The following NHS variants were observed in gnomAD, a reference collection of about 807,000 sequenced individuals.
The protein encoded by NHS is actin remodeling regulator NHS.
A neutral mutation model predicts 72.5 loss-of-function variants in NHS; 5 were observed. The ratio of observed to expected loss-of-function variants is 0.07; its 90% CI spans 0.04 to 0.14. NHS has a LOEUF of 0.14. Ranked by LOEUF, NHS falls within the 10% of genes least tolerant of loss-of-function variation. NHS has a pLI of 1.00. For missense variants in NHS, 1,072 were observed against 1,355.7 expected (o/e 0.79, Z 3.29); for synonymous variants, 464 against 547.7 (o/e 0.85, Z 2.13).
chrX:17,646,430 A>ATTCTCCATACCTGGTCAT (rs774280994), intron 1 of NHS, among the ~76,000 whole-genome samples: 1 of 111,592 alleles, frequency 9.0e-6, no homozygotes. Context: ...GGGGCCATTG[A>ATTCTCCATACCTGGTCAT]TTCTCCATAC....
intron 1 of NHS, among the ~76,000 whole-genome samples, chrX:17,554,332 G>T (rs1042588514): frequency 1.8e-5 from 2 of 112,140 alleles, no homozygotes; most frequent in South Asian, 7.5e-4. Context: ...ACTAAGTTTC[G>T]TCAGTGCCTT....
At chrX:17,664,725 T>C (rs908435318) in intron 1 of NHS, among the ~76,000 whole-genome samples, 1 of 112,251 alleles carries the variant, frequency 8.9e-6, no homozygotes, top group Non-Finnish European at 1.9e-5. Context: ...AATCAGCTTG[T>C]CAATTTCTTC....
intron 1 of NHS, among the ~76,000 whole-genome samples, chrX:17,559,937 G>A (rs182885457): frequency 1.9e-3 from 212 of 111,316 alleles, no homozygotes; most frequent in African/African-American, 6.7e-3. Flanking sequence ...GCCCTATCAG[G>A]GTTCCCTGCA....
chrX:17,457,420 AAG>A lies in NHS; in HGVS notation c.565+81103_565+81104del, dbSNP rs761405631. ...GGCATCACATATCAAGAGAGGAAGAAAGAGAGGGGGTGGAGGGAGGGGCCAGG... is the reference window on the plus strand; with the variant it reads ...GGCATCACATATCAAGAGAGGAAGAAAGAGGGGGTGGAGGGAGGGGCCAGG... On this transcript the variant is annotated intron_variant, in intron 1 of 8. Coordinates refer to ENST00000676302, the MANE Select transcript of NHS (RefSeq NM_001291867.2). Among the ~76,000 whole-genome samples, 195 of 111,038 alleles carry A rather than the reference AAG, an allele frequency of 1.8e-3. 1 individual carries two copies. The Middle Eastern group carries it at 0.032, about 18-fold the overall frequency.
At chrX:17,655,305 GT>G (rs1336359458) in intron 1 of NHS, among the ~76,000 whole-genome samples, 2 of 112,206 alleles carry the variant, frequency 1.8e-5, no homozygotes, top group African/African-American at 6.5e-5. Context: ...GGTCCAGCCT[GT>G]TGGTGATGTG....
chrX:17,716,383 G>A (rs2066364248), intron 3 of NHS, among the ~76,000 whole-genome samples: 1 of 112,170 alleles, frequency 8.9e-6, no homozygotes. Flanking sequence ...ATACTTTCAT[G>A]AGACACCAAA....
At chrX:17,652,605 G>A (rs1001071610) in intron 1 of NHS, among the ~76,000 whole-genome samples, 1 of 111,494 alleles carries the variant, frequency 9.0e-6, no homozygotes, top group Non-Finnish European at 1.9e-5. Flanking sequence ...GATAAGGAGA[G>A]TCTGGTTAAT....
chrX:17,727,422 C>T lies in NHS; in HGVS notation c.3316C>T (p.His1106Tyr), dbSNP rs2066454449. 16 of 1,211,655 alleles carry T rather than the reference C, an allele frequency of 1.3e-5. No homozygotes were observed. The highest frequency in any genetic ancestry group is 1.8e-5 in the Non-Finnish European group (16 of 895,368). Residue 1106 changes from histidine to tyrosine, a missense_variant, in exon 7 of 9, where the codon CAT becomes TAT. By Grantham distance (83) the His-to-Tyr change is moderately conservative. Transcript: ENST00000676302. Reference protein sequence around the residue: ...NVLNKPFHHRHPLHVFTHNKQ... With the variant: ...NVLNKPFHHRYPLHVFTHNKQ... ...CTTGAACAAACCATTCCACCACCGT[C>T]ATCCACTGCATGTTTTTACTCATAA...
intron 1 of NHS, among the ~76,000 whole-genome samples, chrX:17,438,786 A>C (rs1258843113): frequency 9.0e-6 from 1 of 111,541 alleles, no homozygotes; most frequent in Non-Finnish European, 1.9e-5. Context: ...GAGATGGCCA[A>C]ACTAACGAAA....
At chrX:17,678,274 GTGTGT>G (rs1204739671) in intron 1 of NHS, among the ~76,000 whole-genome samples, 1 of 104,119 alleles carries the variant, frequency 9.6e-6, no homozygotes, top group African/African-American at 3.8e-5. Flanking sequence ...GACTGTGGGT[GTGTGT>G]GTGTGTGTGT....
At chrX:17,392,105 C>G (rs2064448220) in intron 1 of NHS, among the ~76,000 whole-genome samples, 2 of 111,548 alleles carry the variant, frequency 1.8e-5, no homozygotes, top group Admixed American at 1.9e-4. Context: ...AATAATTGCT[C>G]CAATTGTAGG....
intron 1 of NHS, among the ~76,000 whole-genome samples, chrX:17,465,645 A>G (rs1239343278): frequency 9.1e-6 from 1 of 110,219 alleles, no homozygotes; most frequent in Non-Finnish European, 1.9e-5. Flanking sequence ...TACTCCTTAC[A>G]TAATGGAAGC....
intron 1 of NHS, among the ~76,000 whole-genome samples, chrX:17,534,167 G>T (rs1168109241): frequency 7.2e-5 from 8 of 111,377 alleles, no homozygotes; most frequent in Non-Finnish European, 1.1e-4. Context: ...CTTTGCCCAG[G>T]ATGCATTCAT....
Position 17,734,546 on chromosome X carries a change from C to T in NHS, c.*2082C>T, listed in dbSNP as rs2066509625. ...GTGTGAGTGTGAGTGTGTGTGTACGCACACACACTGGGGATAGATAAGCTA... is the reference window on the plus strand; with the variant it reads ...GTGTGAGTGTGAGTGTGTGTGTACGTACACACACTGGGGATAGATAAGCTA... On this transcript the variant is annotated 3_prime_UTR_variant, in exon 9 of 9. Coordinates refer to ENST00000676302, the MANE Select transcript of NHS (RefSeq NM_001291867.2). The T allele has an allele frequency of 1.8e-5, 2 of 110,540 alleles. No individual in the cohort carries two copies. The highest frequency in any genetic ancestry group is 6.6e-5 in the African/African-American group (2 of 30,223). 9.1% of individuals were successfully genotyped at this position (110,540 alleles called of 1,213,427 possible).
Position 17,376,178 on chromosome X carries a change from G to A in NHS, c.421G>A (p.Asp141Asn). Residue 141 changes from aspartate (D) to asparagine (N), a missense_variant, in exon 1 of 9, where the codon GAC (aspartate) becomes AAC (asparagine). Asp to Asn is a conservative substitution (Grantham distance 23, BLOSUM62 1). Coordinates refer to ENST00000676302, the MANE Select transcript of NHS (RefSeq NM_001291867.2). ...ALARVLRQLS[D>N]VARHACSLFQ... ...GGCCCGTGTCCTCCGGCAGCTCTCGGACGTGGCCCGGCACGCTTGCAGCCT... is the reference window on the plus strand; with the variant it reads ...GGCCCGTGTCCTCCGGCAGCTCTCGAACGTGGCCCGGCACGCTTGCAGCCT... 8.4e-7 allele frequency: 1 copy of A among 1,191,054 alleles called. No individual in the cohort carries two copies. Among genetic ancestry groups the A allele is most frequent in the Non-Finnish European group, 1.1e-6 (1 of 891,123 alleles).
intron 1 of NHS, among the ~76,000 whole-genome samples, chrX:17,430,835 C>G (rs188877475): frequency 1.8e-5 from 2 of 112,396 alleles, no homozygotes; most frequent in African/African-American, 6.5e-5. Context: ...TAAATACATT[C>G]CATTCTATGG....
At chrX:17,425,172 C>T (rs745579612) in intron 1 of NHS, among the ~76,000 whole-genome samples, 68 of 111,913 alleles carry the variant, frequency 6.1e-4, no homozygotes, top group Non-Finnish European at 1.1e-3. Context: ...CTTGGATTCC[C>T]TTCTCTTCAA....
chrX:17,465,358 T>C (rs750353550), intron 1 of NHS, among the ~76,000 whole-genome samples: 13 of 111,701 alleles, frequency 1.2e-4, no homozygotes, highest in South Asian at 3.8e-4. Context: ...TTTGGAGGCC[T>C]CGATTTAAAT....
intron 3 of NHS, among the ~76,000 whole-genome samples, chrX:17,718,407 G>A (rs2066377985): frequency 2.2e-5 from 2 of 92,963 alleles, no homozygotes; most frequent in African/African-American, 8.6e-5. Flanking sequence ...AGGAAGGGAA[G>A]GAAAAAGGAA....
Sources: gnomAD v4.1 joint callset for allele counts (sites outside exome capture counted in the v4.1 genomes callset) on GRCh38, gnomAD v4.1.1 for gene constraint, MANE v1.5 for transcripts, NCBI Gene and HGNC (gene_info 2026-07-23, HGNC 2026-07-21) for gene names.